The following AGTPBP1 variants were observed in gnomAD, a reference collection of about 807,000 sequenced individuals.
AGTPBP1 encodes cytosolic carboxypeptidase 1.
A neutral mutation model predicts 143.9 loss-of-function variants in AGTPBP1; 70 were observed. The observed-to-expected ratio is 0.49, with a 90% confidence interval of 0.40 to 0.59. The LOEUF is 0.59. Ranked by LOEUF, AGTPBP1 falls within the 20% of genes least tolerant of loss-of-function variation. The probability of loss-of-function intolerance (pLI) is 0.00; values close to 1 mark genes in which losing one functional copy is unlikely to be tolerated. For synonymous variants in AGTPBP1, 463 were observed against 500.2 expected (o/e 0.93, Z 0.99); for missense variants, 1,229 against 1,464.5 (o/e 0.84, Z 2.62).
intron 9 of AGTPBP1, among the ~76,000 whole-genome samples, chr9:85,659,259 CTA>C (rs1833714289): frequency 1.3e-5 from 2 of 152,100 alleles, no homozygotes; most frequent in Non-Finnish European, 2.9e-5. Flanking sequence ...CACAATTAGC[CTA>C]TGTCTCTTCT....
intron 5 of AGTPBP1, among the ~76,000 whole-genome samples, chr9:85,677,875 A>G (rs533996189): frequency 1.3e-5 from 2 of 152,182 alleles, no homozygotes; most frequent in Admixed American, 6.5e-5. Context: ...ATGGTGGCGC[A>G]CACCTATAAT....
chr9:85,583,037 A>G (rs1280022473), intron 23 of AGTPBP1, among the ~76,000 whole-genome samples: 1 of 152,134 alleles, frequency 6.6e-6, no homozygotes, highest in Admixed American at 6.5e-5. Flanking sequence ...CAGCGGAAGG[A>G]GAGAAGGAGA....
the AGTPBP1 span, among the ~76,000 whole-genome samples, chr9:85,804,485 C>T: frequency 6.6e-6 from 1 of 152,156 alleles, no homozygotes; most frequent in African/African-American, 2.4e-5. Context: ...CATGGTTTGT[C>T]TTTTATTGTC....
Position 85,646,415 on chromosome 9 carries a change from T to C in AGTPBP1, c.1091A>G (p.Asp364Gly). 1.2e-6 allele frequency: 2 copies of C among 1,611,758 alleles called. No individual in the cohort carries two copies. Among genetic ancestry groups the C allele is most frequent in the Non-Finnish European group, 1.7e-6 (2 of 1,178,886 alleles). The change falls in exon 12 of 26, where the codon GAT (aspartate) becomes GGT (glycine). Residue 364 changes from aspartate to glycine, a missense_variant. Asp to Gly is a moderately conservative substitution (Grantham distance 94). Transcript: ENST00000357081. ...AQLYSLPPEV[D>G]DVVDESDDND... ...GTCATCACTTTCATCTACTACGTCATCCACTATGATACAAAATGTGCTATA... is the reference window on the plus strand; with the variant it reads ...GTCATCACTTTCATCTACTACGTCACCCACTATGATACAAAATGTGCTATA...
chr9:85,568,266 A>G (rs1827235060), intron 25 of AGTPBP1, among the ~76,000 whole-genome samples: 1 of 152,192 alleles, frequency 6.6e-6, no homozygotes, highest in Admixed American at 6.5e-5. Context: ...ATAATAATAA[A>G]TTAGCACTTA....
intron 2 of AGTPBP1, among the ~76,000 whole-genome samples, chr9:85,704,429 A>G (rs1298141223): frequency 2.0e-5 from 3 of 152,238 alleles, no homozygotes. Flanking sequence ...AGGTAATCAC[A>G]GGACAGGGAA....
At position 85,546,947 on chromosome 9, in the gene AGTPBP1, T is replaced by C; in HGVS notation, c.*162A>G. On this transcript the variant is annotated 3_prime_UTR_variant, in exon 26 of 26. Transcript: ENST00000357081. ...AATAAAACAAGCGCCAATTTTATCA[T>C]TAATTAATAACACATTTATTATCTT... 8.8e-6 allele frequency: 5 copies of C among 570,128 alleles called. No individual in the cohort carries two copies. The highest frequency in any genetic ancestry group is 1.1e-5 in the Non-Finnish European group (4 of 360,270). The allele number at this position is 570,128 out of a possible 1,614,324, so 35.3% of individuals were successfully genotyped here. A position where few individuals can be genotyped will look rare whatever the true frequency, so the allele number is the denominator to read the frequency against.
At chr9:85,661,462 G>T (rs182009006) in intron 8 of AGTPBP1, among the ~76,000 whole-genome samples, 1 of 152,020 alleles carries the variant, frequency 6.6e-6, no homozygotes, top group African/African-American at 2.4e-5. Flanking sequence ...CCTATTTAAG[G>T]CCATAATAAA....
Position 85,678,377 on chromosome 9 carries a change from T to C in AGTPBP1, c.247A>G (p.Thr83Ala). The change falls in exon 5 of 26, where the codon ACA (threonine) becomes GCA (alanine). Residue 83 changes from threonine (T) to alanine (A), a missense_variant. Thr to Ala is a moderately conservative substitution (Grantham distance 58, BLOSUM62 0). Around this residue, in one of 2 missense-constraint regions of AGTPBP1, gnomAD observed 743 missense variants for 812.2 expected, o/e 0.91. Coordinates refer to ENST00000357081, the MANE Select transcript of AGTPBP1 (RefSeq NM_001330701.2). Reference sequence around the variant, plus strand: ...ACAAGAATGCTTAAGATATTAAGTGTAGTTTGAAGATCTTTTGTGTTCTGA... The same window carrying C: ...ACAAGAATGCTTAAGATATTAAGTGCAGTTTGAAGATCTTTTGTGTTCTGA... ...TLENTKDLQT[T>A]LNILSILVEL... 6.3e-7 allele frequency: 1 copy of C among 1,591,354 alleles called. No homozygotes were observed. Among genetic ancestry groups the C allele is most frequent in the Non-Finnish European group, 8.6e-7 (1 of 1,165,822 alleles).
At chr9:85,694,726 C>G (rs889473293) in intron 2 of AGTPBP1, among the ~76,000 whole-genome samples, 17 of 152,116 alleles carry the variant, frequency 1.1e-4, no homozygotes, top group African/African-American at 4.1e-4. Flanking sequence ...TTGAGTGATC[C>G]CATCTAATCC....
chr9:85,666,642 A>C (rs1834150751), intron 8 of AGTPBP1, among the ~76,000 whole-genome samples: 1 of 152,108 alleles, frequency 6.6e-6, no homozygotes, highest in Admixed American at 6.6e-5. Context: ...TTTTGGATAT[A>C]CCCCATGTGG....
At position 85,547,159 on chromosome 9, in the gene AGTPBP1, G is replaced by A; in HGVS notation, c.3631C>T (p.Gln1211Ter). Residue 1211 changes from glutamine to a stop codon, truncating the protein, a stop_gained, in exon 26 of 26, where the codon CAA becomes TAA. Coordinates refer to ENST00000357081, the MANE Select transcript of AGTPBP1 (RefSeq NM_001330701.2). LOFTEE classifies it high-confidence loss of function. ...ENVGDYEPSAQEEVLSDSELS... is the reference protein window; with the variant it reads ...ENVGDYEPSA ...TCAGAGTCAGAAAGTACTTCTTCTT[G>A]AGCAGAAGGTTCATAATCTCCTACA... is the stretch of plus-strand genomic sequence containing the variant. 1.2e-6 allele frequency: 2 copies of A among 1,613,052 alleles called. No homozygotes were observed. Among genetic ancestry groups the A allele is most frequent in the Non-Finnish European group, 1.7e-6 (2 of 1,179,626 alleles).
At chr9:85,786,307 C>T in the AGTPBP1 span, 18 of 1,595,176 alleles carry the variant, frequency 1.1e-5, no homozygotes, top group Non-Finnish European at 1.5e-5. Flanking sequence ...TTCTTTAGCA[C>T]CCCCCAGTGG....
intron 17 of AGTPBP1, among the ~76,000 whole-genome samples, chr9:85,618,410 T>C (rs1245054225): frequency 6.6e-6 from 1 of 152,056 alleles, no homozygotes; most frequent in African/African-American, 2.4e-5. Flanking sequence ...CATGAAGTAA[T>C]ACCATGATAC....
At chr9:85,621,370 G>T in intron 14 of AGTPBP1, 85 bp from the exon 15 acceptor site, 1 of 573,066 alleles carries the variant, frequency 1.7e-6, no homozygotes. Context: ...TGAAAAAAGT[G>T]CATGATAAAA....
intron 23 of AGTPBP1, among the ~76,000 whole-genome samples, chr9:85,585,174 T>C (rs1828526839): frequency 6.6e-6 from 1 of 152,076 alleles, no homozygotes; most frequent in Non-Finnish European, 1.5e-5. Context: ...CAAAATAAGG[T>C]ATGTAACAGA....
At position 85,682,172 on chromosome 9, in the gene AGTPBP1, TAAAAAAAAAAAA is replaced by T. The variant is rs745339958; in HGVS notation, c.158-849_158-838del. On this transcript the variant is annotated intron_variant, in intron 3 of 25. Coordinates refer to ENST00000357081, the MANE Select transcript of AGTPBP1 (RefSeq NM_001330701.2). ...TCCTTTTCCTCTCATTAGGATTGGT[TAAAAAAAAAAAA>T]AAAAAAAAAAAAAGCATAGATTATT... Among the ~76,000 whole-genome samples the T allele has an allele frequency of 9.9e-3, 854 of 85,868 alleles. 18 individuals carry two copies. Among genetic ancestry groups the T allele is most frequent in the African/African-American group, 0.034 (779 of 22,612 alleles). 56.3% of individuals were successfully genotyped at this position (85,868 alleles called of 152,430 possible).
At chr9:85,549,404 G>A (rs1416376854) in intron 25 of AGTPBP1, among the ~76,000 whole-genome samples, 1 of 152,156 alleles carries the variant, frequency 6.6e-6, no homozygotes, top group East Asian at 1.9e-4. Flanking sequence ...GAGATCTATG[G>A]ACAGCGGAAT....
chr9:85,622,810 G>A (rs1165485566), intron 14 of AGTPBP1, among the ~76,000 whole-genome samples: 1 of 152,132 alleles, frequency 6.6e-6, no homozygotes, highest in Non-Finnish European at 1.5e-5. Flanking sequence ...ATGGCCAATA[G>A]TGAAGGATAT....
Sources: allele counts gnomAD v4.1 joint callset (sites outside exome capture counted in the v4.1 genomes callset), GRCh38; gene constraint gnomAD v4.1.1; regional missense constraint gnomAD v4.1.1; transcripts MANE v1.5; gene names NCBI Gene and HGNC (gene_info 2026-07-23, HGNC 2026-07-21).